Variants in SLC9A2 observed in about 807,000 individuals in gnomAD.
SLC9A2 encodes the protein sodium/hydrogen exchanger 2.
A neutral mutation model predicts 71.7 loss-of-function variants in SLC9A2; 42 were observed. The ratio of observed to expected loss-of-function variants is 0.59; its 90% CI spans 0.46 to 0.76. The LOEUF is 0.76. Ranked by LOEUF, SLC9A2 falls within the 30% of genes least tolerant of loss-of-function variation. SLC9A2 has a pLI of 0.00. For synonymous variants in SLC9A2, 396 were observed against 392.5 expected (o/e 1.01, Z -0.10); for missense variants, 829 against 1,017.4 (o/e 0.81, Z 2.52).
At chr2:102,703,255 G>A (rs1440476582) in intron 9 of SLC9A2, among the ~76,000 whole-genome samples, 1 of 152,156 alleles carries the variant, frequency 6.6e-6, no homozygotes, top group Non-Finnish European at 1.5e-5. Flanking sequence ...AACATTAGTT[G>A]TGGCTCCCAA....
chr2:102,695,782 A>ATATATTATATATATATAT (rs1558723220), intron 7 of SLC9A2, among the ~76,000 whole-genome samples: 3 of 20,682 alleles, frequency 1.5e-4, no homozygotes, highest in Non-Finnish European at 3.1e-4. Context: ...TATATATTAT[A>ATATATTATATATATATAT]TATATATTAT....
rs1445905810 is a variant in SLC9A2, at chr2:102,710,286, GATA to G, written c.*1802_*1804del. 39 of 152,458 alleles carry G rather than the reference GATA, an allele frequency of 2.6e-4. No individual in the cohort carries two copies. Among genetic ancestry groups the G allele is most frequent in the Admixed American group, 9.8e-4 (15 of 15,274 alleles). 9.4% of individuals were successfully genotyped at this position (152,458 alleles called of 1,614,324 possible). A position where few individuals can be genotyped will look rare whatever the true frequency, so the allele number is the denominator to read the frequency against. ...AATTAAAACTGACATAAAATTTTAT[GATA>G]ATAACATGATTCAAGAAATGTGATG... On this transcript the variant is annotated 3_prime_UTR_variant, in exon 12 of 12. Transcript: ENST00000233969.
chr2:102,657,486 C>A, intron 1 of SLC9A2, 78 bp from the exon 2 acceptor site: 1 of 906,330 alleles, frequency 1.1e-6, no homozygotes, highest in South Asian at 1.7e-5. Flanking sequence ...CCCACTGGTT[C>A]TATCAAAGGG....
chr2:102,674,909 G>A (rs763326431), intron 3 of SLC9A2, among the ~76,000 whole-genome samples: 3 of 152,086 alleles, frequency 2.0e-5, no homozygotes, highest in Non-Finnish European at 4.4e-5. Context: ...CAGAGAAATC[G>A]AGCTTTATAT....
At chr2:102,622,169 G>A (rs1244081642) in intron 1 of SLC9A2, among the ~76,000 whole-genome samples, 1 of 152,114 alleles carries the variant, frequency 6.6e-6, no homozygotes, top group African/African-American at 2.4e-5. Flanking sequence ...ATACACACAT[G>A]TTTGTAAATT....
chr2:102,635,746 T>C (rs1676457186), intron 1 of SLC9A2, among the ~76,000 whole-genome samples: 1 of 152,244 alleles, frequency 6.6e-6, no homozygotes, highest in Non-Finnish European at 1.5e-5. Context: ...TGTTTTGTTT[T>C]GTGTTACAAC....
At chr2:102,660,875 A>G (rs1430285948) in intron 2 of SLC9A2, among the ~76,000 whole-genome samples, 2 of 152,246 alleles carry the variant, frequency 1.3e-5, no homozygotes, top group African/African-American at 4.8e-5. Context: ...GGTTAATCGG[A>G]GAAAATTCAT....
rs1677488805 is a variant in SLC9A2, at chr2:102,683,243, C to G, written c.1005-18C>G. On this transcript the variant is annotated intron_variant, in intron 3 of 11. Coordinates refer to ENST00000233969, the MANE Select transcript of SLC9A2 (RefSeq NM_003048.6). ...GATCATTGTTAGGTTTCAATAGAAG[C>G]TGAATCTTCCCTTTCAGAATCACTG... is the stretch of plus-strand genomic sequence containing the variant. The G allele has an allele frequency of 6.4e-7, 1 of 1,567,858 alleles. No homozygotes were observed. Among genetic ancestry groups the G allele is most frequent in the South Asian group, 1.1e-5 (1 of 89,912 alleles).
intron 1 of SLC9A2, among the ~76,000 whole-genome samples, chr2:102,646,963 A>T (rs1676738348): frequency 6.6e-6 from 1 of 152,030 alleles, no homozygotes; most frequent in South Asian, 2.1e-4. Context: ...GGCAAAGCAG[A>T]CCTAATAGAT....
intron 1 of SLC9A2, among the ~76,000 whole-genome samples, chr2:102,644,464 A>G (rs1676676261): frequency 6.6e-6 from 1 of 152,172 alleles, no homozygotes; most frequent in Admixed American, 6.5e-5. Context: ...AGCAAGAGAG[A>G]ACTGTTCACT....
At position 102,709,313 on chromosome 2, in the gene SLC9A2, A is replaced by G. The variant is rs1345974925; in HGVS notation, c.*824A>G. ...AGCTTTTGATGAAGTTCCACCCATG[A>G]GGGTCCATGTGGCAAGTAGGGCCAC... On this transcript the variant is annotated 3_prime_UTR_variant, in exon 12 of 12. Transcript: ENST00000233969. The G allele has an allele frequency of 2.0e-5, 3 of 152,148 alleles. No homozygotes were observed. The highest frequency in any genetic ancestry group is 2.9e-5 in the Non-Finnish European group (2 of 68,094). 9.4% of individuals were successfully genotyped at this position (152,148 alleles called of 1,614,324 possible).
At chr2:102,663,968 A>G (rs143096388) in intron 2 of SLC9A2, among the ~76,000 whole-genome samples, 72 of 152,252 alleles carry the variant, frequency 4.7e-4, no homozygotes, top group African/African-American at 1.5e-3. Flanking sequence ...TCCTTAAACC[A>G]AGACTATGTA....
At chr2:102,648,260 G>T (rs1002236324) in intron 1 of SLC9A2, among the ~76,000 whole-genome samples, 1 of 152,094 alleles carries the variant, frequency 6.6e-6, no homozygotes, top group Non-Finnish European at 1.5e-5. Context: ...TATCTAAATA[G>T]ATGCAGAAAA....
chr2:102,621,540 T>C (rs969853726), intron 1 of SLC9A2, among the ~76,000 whole-genome samples: 25 of 152,326 alleles, frequency 1.6e-4, no homozygotes, highest in African/African-American at 5.5e-4. Context: ...CCTGAAATAT[T>C]AACTATTGTT....
chr2:102,693,583 G>A (rs975559158), intron 5 of SLC9A2, among the ~76,000 whole-genome samples: 22 of 152,152 alleles, frequency 1.4e-4, no homozygotes, highest in African/African-American at 5.3e-4. Flanking sequence ...CAGACTGGCC[G>A]CAAGCCCCCT....
At chr2:102,627,012 A>C (rs1051197548) in intron 1 of SLC9A2, among the ~76,000 whole-genome samples, 1 of 152,144 alleles carries the variant, frequency 6.6e-6, no homozygotes, top group Non-Finnish European at 1.5e-5. Flanking sequence ...CTGGCTGGGT[A>C]TTGTAGCTCA....
intron 1 of SLC9A2, among the ~76,000 whole-genome samples, chr2:102,645,644 T>C (rs1243327021): frequency 6.6e-6 from 1 of 151,928 alleles, no homozygotes; most frequent in Non-Finnish European, 1.5e-5. Flanking sequence ...GCATGAGAAC[T>C]TCATGAAGCA....
intron 2 of SLC9A2, among the ~76,000 whole-genome samples, chr2:102,661,023 A>G (rs1677038370): frequency 6.6e-6 from 1 of 152,230 alleles, no homozygotes; most frequent in Non-Finnish European, 1.5e-5. Flanking sequence ...TCTCAAAGCA[A>G]AAGAAATGCA....
rs1678106915 is a variant in SLC9A2 at position 102,711,304 on chromosome 2, C to T, written c.*2815C>T. 1 of 152,328 alleles carries T rather than the reference C, an allele frequency of 6.6e-6. No homozygotes were observed. Among genetic ancestry groups the T allele is most frequent in the Non-Finnish European group, 1.5e-5 (1 of 68,040 alleles). The allele number at this position is 152,328 out of a possible 1,614,324, so 9.4% of individuals were successfully genotyped here. A position where few individuals can be genotyped will look rare whatever the true frequency, so the allele number is the denominator to read the frequency against. ...CTTAAAAACGTGATTAAAGAGATCA[C>T]TTTGTCCGGATGAAGCAGCTGTTGG... On this transcript the variant is annotated 3_prime_UTR_variant, in exon 12 of 12. Coordinates refer to ENST00000233969, the MANE Select transcript of SLC9A2 (RefSeq NM_003048.6).
Sources: gnomAD v4.1 joint callset for allele counts (sites outside exome capture counted in the v4.1 genomes callset) on GRCh38, gnomAD v4.1.1 for gene constraint, MANE v1.5 for transcripts, NCBI Gene and HGNC (gene_info 2026-07-23, HGNC 2026-07-21) for gene names.